The following BRINP3 variants were observed in gnomAD, a reference collection of about 807,000 sequenced individuals.
BRINP3 encodes BMP/retinoic acid-inducible neural-specific protein 3.
In BRINP3, 19 loss-of-function variants were observed where a neutral mutation model predicts 71.0. That is an observed-to-expected ratio of 0.27 (90% confidence interval 0.19 to 0.39). The LOEUF (loss-of-function observed/expected upper bound fraction) is 0.39, where lower values mean the gene tolerates loss of function less well. Ranked by LOEUF, BRINP3 falls within the 10% of genes least tolerant of loss-of-function variation. The pLI, the probability that BRINP3 is intolerant of heterozygous loss-of-function variation, is 1.00. For missense variants in BRINP3, 959 were observed against 940.8 expected, an observed-to-expected ratio of 1.02 and a Z score of -0.25; for synonymous variants, 380 against 337.7, an observed-to-expected ratio of 1.13 and a Z score of -1.37.
intron 7 of BRINP3, among the ~76,000 whole-genome samples, chr1:190,123,935 T>C (rs1019141083): frequency 2.9e-4 from 44 of 152,170 alleles, no homozygotes; most frequent in African/African-American, 9.6e-4. Context: ...TCTTCCCTTA[T>C]TTTATAGACA....
chr1:190,182,912 A>G (rs1438327239), intron 6 of BRINP3, among the ~76,000 whole-genome samples: 1 of 152,078 alleles, frequency 6.6e-6, no homozygotes, highest in Non-Finnish European at 1.5e-5. Flanking sequence ...AAATGTATCA[A>G]TTTCTTGTAA....
chr1:190,111,618 T>G (rs1381852797), intron 7 of BRINP3, among the ~76,000 whole-genome samples: 2 of 152,130 alleles, frequency 1.3e-5, no homozygotes, highest in Non-Finnish European at 2.9e-5. Context: ...GGGAGAGTCT[T>G]GGATTGCTTC....
chr1:190,455,553 A>C (rs1283601578), intron 1 of BRINP3, among the ~76,000 whole-genome samples: 1 of 152,142 alleles, frequency 6.6e-6, no homozygotes, highest in South Asian at 2.1e-4. Flanking sequence ...AGACTGATAC[A>C]TGAACAGATG....
At chr1:190,466,966 C>A (rs558806065) in intron 1 of BRINP3, among the ~76,000 whole-genome samples, 3 of 151,562 alleles carry the variant, frequency 2.0e-5, no homozygotes, top group Non-Finnish European at 4.4e-5. Flanking sequence ...AAAAACACAA[C>A]GAACACAACA....
At chr1:190,406,880 T>C (rs1672316951) in intron 2 of BRINP3, among the ~76,000 whole-genome samples, 1 of 152,214 alleles carries the variant, frequency 6.6e-6, no homozygotes. Flanking sequence ...GTGAGATCAG[T>C]ATAAAATGTA....
intron 7 of BRINP3, among the ~76,000 whole-genome samples, chr1:190,148,662 T>A (rs942686162): frequency 3.3e-5 from 5 of 151,492 alleles, no homozygotes; most frequent in Admixed American, 3.3e-4. Flanking sequence ...TTCTATCTCC[T>A]CATTCTTTAT....
chr1:190,142,386 G>A (rs1655527603), intron 7 of BRINP3, among the ~76,000 whole-genome samples: 1 of 152,104 alleles, frequency 6.6e-6, no homozygotes, highest in Non-Finnish European at 1.5e-5. Flanking sequence ...GTCAGAAAGT[G>A]GAAAACTGCT....
intron 2 of BRINP3, among the ~76,000 whole-genome samples, chr1:190,371,263 G>A (rs543612888): frequency 9.2e-5 from 14 of 152,246 alleles, no homozygotes; most frequent in South Asian, 8.3e-4. Flanking sequence ...TCAATGTTGC[G>A]GAGGCTTTCC....
chr1:190,203,299 G>A (rs1412015363), intron 6 of BRINP3, among the ~76,000 whole-genome samples: 1 of 151,766 alleles, frequency 6.6e-6, no homozygotes, highest in African/African-American at 2.4e-5. Flanking sequence ...AATGGATTGG[G>A]TTTTTAAAAC....
intron 2 of BRINP3, among the ~76,000 whole-genome samples, chr1:190,358,445 A>G (rs1272354220): frequency 2.0e-5 from 3 of 152,242 alleles, no homozygotes; most frequent in African/African-American, 7.2e-5. Context: ...CAAAATGCAA[A>G]TCAAAACCAC....
chr1:190,139,445 C>G (rs1385398403), intron 7 of BRINP3, among the ~76,000 whole-genome samples: 1 of 105,880 alleles, frequency 9.4e-6, no homozygotes, highest in Non-Finnish European at 1.7e-5. Flanking sequence ...GAGTGAGACT[C>G]TGTCTCAAAA....
At chr1:190,197,082 C>T (rs926670371) in intron 6 of BRINP3, among the ~76,000 whole-genome samples, 4 of 151,820 alleles carry the variant, frequency 2.6e-5, no homozygotes, top group South Asian at 2.1e-4. Flanking sequence ...GCTGGGGAGG[C>T]CTCACAATCA....
At chr1:190,441,886 T>C (rs1035577951) in intron 2 of BRINP3, among the ~76,000 whole-genome samples, 4 of 152,058 alleles carry the variant, frequency 2.6e-5, no homozygotes, top group Admixed American at 6.5e-5. Flanking sequence ...CCCTGGAATG[T>C]GGTTTGCTCC....
rs1437226787 is a variant in BRINP3, at chr1:190,477,839, G to A, written c.-442C>T. The stretch of plus-strand genomic sequence containing the variant: ...AAGAGAAGTAAAAGGATGTGTTGAA[G>A]ACAACGAGATAAAGAGAGAACTAGT... On this transcript the variant is annotated 5_prime_UTR_variant, in exon 1 of 8. Transcript: ENST00000367462. 1 of 152,200 alleles carries A rather than the reference G, an allele frequency of 6.6e-6. No homozygotes were observed. Among genetic ancestry groups the A allele is most frequent in the Non-Finnish European group, 1.5e-5 (1 of 68,078 alleles). 9.4% of individuals were successfully genotyped at this position (152,200 alleles called of 1,614,324 possible).
chr1:190,395,970 G>T (rs1671539633), intron 2 of BRINP3, among the ~76,000 whole-genome samples: 1 of 148,322 alleles, frequency 6.7e-6, no homozygotes. Flanking sequence ...AGAGCAGAAG[G>T]AAAGAAGGAA....
At chr1:190,285,997 G>T (rs749210193) in intron 2 of BRINP3, among the ~76,000 whole-genome samples, 1 of 152,008 alleles carries the variant, frequency 6.6e-6, no homozygotes, top group African/African-American at 2.4e-5. Context: ...CCATCATAAC[G>T]TTTGCAAGTC....
intron 7 of BRINP3, among the ~76,000 whole-genome samples, chr1:190,103,317 C>T (rs571904987): frequency 6.6e-6 from 1 of 152,088 alleles, no homozygotes; most frequent in East Asian, 1.9e-4. Flanking sequence ...CAGGTAAAAC[C>T]CACCTACGAC....
At chr1:190,393,607 A>C (rs1436225121) in intron 2 of BRINP3, among the ~76,000 whole-genome samples, 1 of 151,644 alleles carries the variant, frequency 6.6e-6, no homozygotes, top group African/African-American at 2.4e-5. Context: ...TTAGACATAA[A>C]ATTTCAACAT....
At chr1:190,130,286 G>A (rs10920583) in intron 7 of BRINP3, among the ~76,000 whole-genome samples, 59,614 of 151,780 alleles carry the variant, frequency 0.39, 12,465 homozygotes, top group Non-Finnish European at 0.48. Context: ...AGGAGTCTAC[G>A]TTTGGGCCAA....
Sources: allele counts gnomAD v4.1 joint callset (sites outside exome capture counted in the v4.1 genomes callset), GRCh38; gene constraint gnomAD v4.1.1; transcripts MANE v1.5; gene names NCBI Gene and HGNC (gene_info 2026-07-23, HGNC 2026-07-21).